NHSL1: variants seen among roughly 807,000 people sequenced by gnomAD.
NHSL1 encodes NHS like 1.
Under a neutral mutation model 95.0 loss-of-function variants are expected in NHSL1, and 48 were observed. The ratio of observed to expected loss-of-function variants is 0.51; its 90% CI spans 0.40 to 0.64. The LOEUF (loss-of-function observed/expected upper bound fraction) is 0.64, where lower values mean the gene tolerates loss of function less well. Among genes scored for constraint, NHSL1 ranks in the 30% least tolerant of loss-of-function variants. The pLI, the probability that NHSL1 is intolerant of heterozygous loss-of-function variation, is 0.00. For missense variants in NHSL1, 1,971 were observed against 2,077.7 expected, an observed-to-expected ratio of 0.95 and a Z score of 1.00; for synonymous variants, 783 against 833.9, an observed-to-expected ratio of 0.94 and a Z score of 1.05.
At chr6:138,546,502 G>T (rs1459299700), upstream of NHSL1, among the ~76,000 whole-genome samples, 9 of 150,778 alleles carry the variant, frequency 6.0e-5, no homozygotes, top group Non-Finnish European at 1.0e-4. Context: ...CCAGCTACTT[G>T]GGAGGCTGAG....
intron 1 of NHSL1, among the ~76,000 whole-genome samples, chr6:138,678,837 G>A (rs1159600895): frequency 6.6e-6 from 1 of 152,168 alleles, no homozygotes; most frequent in Non-Finnish European, 1.5e-5. Context: ...TATCCTGTAA[G>A]TGTTACTATA....
intron 3 of NHSL1, among the ~76,000 whole-genome samples, chr6:138,464,640 A>T (rs964095785): frequency 2.5e-4 from 38 of 150,922 alleles, no homozygotes; most frequent in Non-Finnish European, 2.5e-4. Flanking sequence ...ACTTGTTTTA[A>T]TTGTGTGTTT....
chr6:138,438,501 A>G (rs1776327920), intron 5 of NHSL1, among the ~76,000 whole-genome samples: 1 of 152,196 alleles, frequency 6.6e-6, no homozygotes, highest in Non-Finnish European at 1.5e-5. Context: ...TATAGCTGCA[A>G]TAACCCTGAG....
intron 1 of NHSL1, among the ~76,000 whole-genome samples, chr6:138,668,038 C>A (rs1785316596): frequency 6.6e-6 from 1 of 151,930 alleles, no homozygotes; most frequent in African/African-American, 2.4e-5. Context: ...CACTTAGGAC[C>A]ACTCAGAAAG....
At chr6:138,648,486 T>C (rs139861286) in intron 1 of NHSL1, among the ~76,000 whole-genome samples, 643 of 152,210 alleles carry the variant, frequency 4.2e-3, no homozygotes, top group African/African-American at 0.015. Context: ...CCAGGTAGGA[T>C]ACTTGGATGG....
intron 1 of NHSL1, among the ~76,000 whole-genome samples, chr6:138,663,509 G>A (rs151066640): frequency 4.5e-4 from 64 of 143,478 alleles, no homozygotes; most frequent in Middle Eastern, 3.9e-3. Context: ...GTGTTGAACC[G>A]CAATCACGCC....
chr6:138,654,609 T>C (rs1785132938), intron 1 of NHSL1, among the ~76,000 whole-genome samples: 1 of 152,176 alleles, frequency 6.6e-6, no homozygotes, highest in South Asian at 2.1e-4. Context: ...TCAATTTCTT[T>C]TCAGTACACA....
At chr6:138,504,891 C>T (rs1718243775) in intron 1 of NHSL1, among the ~76,000 whole-genome samples, 1 of 152,128 alleles carries the variant, frequency 6.6e-6, no homozygotes, top group Non-Finnish European at 1.5e-5. Flanking sequence ...TGTTTCACCA[C>T]CTGTAAAATG....
chr6:138,564,916 A>G (rs1413150443), intron 1 of NHSL1, among the ~76,000 whole-genome samples: 1 of 152,182 alleles, frequency 6.6e-6, no homozygotes, highest in Non-Finnish European at 1.5e-5. Flanking sequence ...ACCCTGGCAC[A>G]GGGAATAAGA....
intron 1 of NHSL1, among the ~76,000 whole-genome samples, chr6:138,672,474 T>G (rs576388537): frequency 2.0e-5 from 3 of 151,910 alleles, no homozygotes; most frequent in African/African-American, 7.3e-5. Flanking sequence ...AGGAAAAAAT[T>G]TTTTAAAAAC....
rs146687513 is a variant in NHSL1 at position 138,518,949 on chromosome 6, C to T, written c.17-22578G>A. ...AGGAGAATCACTTGAACCGGGGAGG[C>T]GGAGGATGCAGTGAGCCAAGATCGC... On this transcript the variant is annotated intron_variant, in intron 1 of 4. Transcript: ENST00000342260. 6.4e-3 allele frequency among the ~76,000 whole-genome samples: 972 copies of T among 152,154 alleles called. 23 individuals carry two copies. Among genetic ancestry groups the T allele is most frequent in the Admixed American group, 0.049 (747 of 15,282 alleles).
rs1373042337 is a variant in NHSL1 at position 138,496,306 on chromosome 6, C to T, written c.124G>A (p.Glu42Lys). ...CTTGTGGTGGGAAGGAACACATTCT[C>T]CTGCTGGTGCCACGGGGCAGTGTAG... ...VHYTAPWHQQ[E>K]NVFLPTTRPP... is the part of the protein sequence containing the mutation. Residue 42 changes from glutamate to lysine, a missense_variant, in exon 2 of 8, where the codon GAG (glutamate) becomes AAG (lysine). Physicochemically the swap from Glu to Lys is moderately conservative, Grantham distance 56. Around this residue, in one of 3 missense-constraint regions of NHSL1, gnomAD observed 1,602 missense variants for 1,654.5 expected, o/e 0.97. Transcript: ENST00000343505. 2.6e-6 allele frequency: 4 copies of T among 1,550,798 alleles called. No homozygotes were observed. In the South Asian group the frequency reaches 4.8e-5, roughly 18 times the overall value.
chr6:138,535,075 A>G lies in NHSL1; in HGVS notation c.16+10548T>C, dbSNP rs191220171. 2.0e-4 allele frequency among the ~76,000 whole-genome samples: 30 copies of G among 152,276 alleles called. No individual in the cohort carries two copies. The East Asian group carries it at 4.1e-3, about 21-fold the overall frequency. The stretch of plus-strand genomic sequence containing the variant: ...CTTTAAAGCAAAGGACTGGCACGAT[A>G]TCGCTGGTCTTAAAAGATCTACTCT... On this transcript the variant is annotated intron_variant, in intron 1 of 4. Coordinates refer to the NHSL1 transcript ENST00000342260.
chr6:138,498,226 A>C (rs1780471308), intron 1 of NHSL1, among the ~76,000 whole-genome samples: 1 of 152,214 alleles, frequency 6.6e-6, no homozygotes, highest in Admixed American at 6.5e-5. Context: ...AAACTATTGA[A>C]AATGGAAACT....
At chr6:138,633,220 C>G (rs1784842975) in intron 1 of NHSL1, among the ~76,000 whole-genome samples, 1 of 151,982 alleles carries the variant, frequency 6.6e-6, no homozygotes, top group Non-Finnish European at 1.5e-5. Context: ...CTCAAAGAGA[C>G]AAATGTATAT....
chr6:138,576,041 G>C (rs535181510), upstream of NHSL1, among the ~76,000 whole-genome samples: 1 of 151,790 alleles, frequency 6.6e-6, no homozygotes, highest in East Asian at 1.9e-4. Flanking sequence ...ACTCAGGCCA[G>C]AGCGCAGTGG....
intron 1 of NHSL1, among the ~76,000 whole-genome samples, chr6:138,624,811 C>T (rs1030634764): frequency 3.9e-5 from 6 of 152,122 alleles, no homozygotes; most frequent in African/African-American, 1.4e-4. Flanking sequence ...TTTGCAAAAG[C>T]TTTGGTAGAC....
chr6:138,651,333 T>C (rs866107399), intron 1 of NHSL1, among the ~76,000 whole-genome samples: 1 of 152,354 alleles, frequency 6.6e-6, no homozygotes, highest in Middle Eastern at 3.4e-3. Context: ...CAAACTGTGG[T>C]ATGACAGTTT....
At chr6:138,477,427 G>A (rs1481741366) in intron 2 of NHSL1, among the ~76,000 whole-genome samples, 4 of 152,024 alleles carry the variant, frequency 2.6e-5, no homozygotes, top group East Asian at 1.9e-4. Flanking sequence ...TAATGAGACC[G>A]CATTTCTAGA....
Sources: allele counts gnomAD v4.1 joint callset (sites outside exome capture counted in the v4.1 genomes callset), GRCh38; gene constraint gnomAD v4.1.1; regional missense constraint gnomAD v4.1.1; transcripts MANE v1.5; gene names NCBI Gene and HGNC (gene_info 2026-07-23, HGNC 2026-07-21).